CDH4: variants seen among roughly 807,000 people sequenced by gnomAD.
CDH4 encodes the protein cadherin 4.
A neutral mutation model predicts 86.0 loss-of-function variants in CDH4; 33 were observed. The ratio of observed to expected loss-of-function variants is 0.38; its 90% CI spans 0.29 to 0.51. The LOEUF is 0.51. CDH4 is among the 20% of genes least tolerant of loss of function. CDH4 has a pLI of 0.86. For missense variants in CDH4, 1,114 were observed against 1,307.4 expected, an observed-to-expected ratio of 0.85 and a Z score of 2.28; for synonymous variants, 555 against 549.4, an observed-to-expected ratio of 1.01 and a Z score of -0.14.
chr20:61,698,260 C>T (rs879444819), intron 2 of CDH4, among the ~76,000 whole-genome samples: 1 of 152,266 alleles, frequency 6.6e-6, no homozygotes, highest in African/African-American at 2.4e-5. Flanking sequence ...ACCATTCCAG[C>T]CCATGCCGGC....
At chr20:61,427,242 C>G (rs1488882569) in intron 2 of CDH4, among the ~76,000 whole-genome samples, 1 of 152,198 alleles carries the variant, frequency 6.6e-6, no homozygotes, top group Non-Finnish European at 1.5e-5. Context: ...GTGCAGGGAG[C>G]TGACCCTGCT....
At chr20:61,530,968 A>G (rs2085947196) in intron 2 of CDH4, among the ~76,000 whole-genome samples, 1 of 152,076 alleles carries the variant, frequency 6.6e-6, no homozygotes, top group Non-Finnish European at 1.5e-5. Context: ...CTATGCCAAT[A>G]GTTCATCTCT....
chr20:61,743,197 T>TG (rs1240532366), intron 2 of CDH4, among the ~76,000 whole-genome samples: 5 of 151,776 alleles, frequency 3.3e-5, no homozygotes, highest in African/African-American at 9.7e-5. Context: ...TAGGCAAGAG[T>TG]GGGGGGAACT....
intron 2 of CDH4, among the ~76,000 whole-genome samples, chr20:61,607,654 A>G (rs961431872): frequency 6.6e-6 from 1 of 152,234 alleles, no homozygotes; most frequent in African/African-American, 2.4e-5. Context: ...AGGAATCAGC[A>G]TCATCAAGCC....
chr20:61,694,018 G>A (rs923251409), intron 2 of CDH4, among the ~76,000 whole-genome samples: 16 of 149,062 alleles, frequency 1.1e-4, no homozygotes, highest in African/African-American at 3.7e-4. Flanking sequence ...TCAGCCTCCC[G>A]AGTAGGTGGG....
chr20:61,560,489 A>G (rs180882505), intron 2 of CDH4, among the ~76,000 whole-genome samples: 24 of 152,370 alleles, frequency 1.6e-4, no homozygotes, highest in African/African-American at 5.8e-4. Flanking sequence ...AGATGCTTCC[A>G]GATGCCAAAG....
chr20:61,435,403 G>A (rs1442648105), intron 2 of CDH4, among the ~76,000 whole-genome samples: 3 of 152,244 alleles, frequency 2.0e-5, no homozygotes, highest in Non-Finnish European at 4.4e-5. Context: ...CTCATAGCTG[G>A]GGCTGAAGAT....
intron 2 of CDH4, among the ~76,000 whole-genome samples, chr20:61,290,842 AAAAGTGGGCCAT>A (rs1456795172): frequency 1.3e-5 from 2 of 152,294 alleles, no homozygotes; most frequent in Admixed American, 1.3e-4. Flanking sequence ...CCAAACCAAT[AAAAGTGGGCCAT>A]ATTCCTGAAA....
chr20:61,395,016 G>A (rs571784163), intron 2 of CDH4, among the ~76,000 whole-genome samples: 20 of 150,370 alleles, frequency 1.3e-4, no homozygotes, highest in Admixed American at 6.0e-4. Context: ...GGAGGTTAGA[G>A]TCTCCTGGGA....
chr20:61,532,768 C>T (rs1327650188), intron 2 of CDH4, among the ~76,000 whole-genome samples: 2 of 151,996 alleles, frequency 1.3e-5, no homozygotes, highest in African/African-American at 4.8e-5. Flanking sequence ...GGTGTTTTGG[C>T]GGGATCAGTA....
At chr20:61,933,898 G>T (rs1005103485) in intron 14 of CDH4, among the ~76,000 whole-genome samples, 158 bp from the exon 15 acceptor site, 1 of 152,154 alleles carries the variant, frequency 6.6e-6, no homozygotes, top group Non-Finnish European at 1.5e-5. Context: ...TTGTGGAGGG[G>T]CACAGCAGGG....
intron 6 of CDH4, among the ~76,000 whole-genome samples, chr20:61,863,879 G>A (rs897301237): frequency 1.3e-5 from 2 of 152,164 alleles, no homozygotes; most frequent in African/African-American, 4.8e-5. Flanking sequence ...AGAGGCCCCC[G>A]TCTCCTCCCA....
At chr20:61,883,014 C>A (rs1414374308) in intron 7 of CDH4, among the ~76,000 whole-genome samples, 1 of 152,214 alleles carries the variant, frequency 6.6e-6, no homozygotes, top group Non-Finnish European at 1.5e-5. Context: ...AAACACCAAT[C>A]TGAGCTCTTG....
chr20:61,565,852 A>G (rs1600765496), intron 2 of CDH4, among the ~76,000 whole-genome samples: 1 of 152,162 alleles, frequency 6.6e-6, no homozygotes, highest in Admixed American at 6.5e-5. Context: ...GGACGCTGTC[A>G]TGAGGTTGCT....
chr20:61,282,284 G>A lies in CDH4; in HGVS notation c.169+27347G>A, dbSNP rs149232513. ...TGAGGCAGGAGAATCATTTGAACCT[G>A]GAAGACGGAGGTTTCAGTGAGCCAA... On this transcript the variant is annotated intron_variant, in intron 2 of 15. Coordinates refer to ENST00000614565, the MANE Select transcript of CDH4 (RefSeq NM_001794.5). Among the ~76,000 whole-genome samples the A allele has an allele frequency of 2.1e-3, 318 of 152,276 alleles. 1 individual carries two copies. Among genetic ancestry groups the A allele is most frequent in the African/African-American group, 7.4e-3 (306 of 41,554 alleles).
chr20:61,673,686 A>G (rs1443244877), intron 2 of CDH4, among the ~76,000 whole-genome samples: 1 of 152,208 alleles, frequency 6.6e-6, no homozygotes, highest in Non-Finnish European at 1.5e-5. Context: ...TTGAGTGCAG[A>G]GTTCATTAGT....
intron 2 of CDH4, among the ~76,000 whole-genome samples, chr20:61,705,492 C>T (rs73915358): frequency 0.012 from 1,827 of 152,354 alleles, 45 homozygotes; most frequent in African/African-American, 0.041. Context: ...CCCCAGTGGC[C>T]ATCTTCACAG....
chr20:61,443,106 T>C (rs1351434353), intron 2 of CDH4, among the ~76,000 whole-genome samples: 1 of 152,232 alleles, frequency 6.6e-6, no homozygotes, highest in African/African-American at 2.4e-5. Context: ...GTTTGTTGTT[T>C]TTTAATGTAA....
At chr20:61,321,411 A>G (rs958347432) in intron 2 of CDH4, among the ~76,000 whole-genome samples, 32 of 151,874 alleles carry the variant, frequency 2.1e-4, no homozygotes, top group Admixed American at 2.1e-3. Flanking sequence ...TTTTTTTTTA[A>G]TTTTTGATGT....
Sources: gnomAD v4.1 joint callset for allele counts (sites outside exome capture counted in the v4.1 genomes callset) on GRCh38, gnomAD v4.1.1 for gene constraint, MANE v1.5 for transcripts, NCBI Gene and HGNC (gene_info 2026-07-23, HGNC 2026-07-21) for gene names.